Variants in CALD1 observed in about 807,000 individuals in gnomAD.
The protein encoded by CALD1 is caldesmon.
CALD1 carries 33 observed loss-of-function variants against 99.9 expected under a neutral mutation model. The observed-to-expected ratio is 0.33, with a 90% confidence interval of 0.25 to 0.44. The LOEUF is 0.44. CALD1 is among the 20% of genes least tolerant of loss of function. The probability of loss-of-function intolerance (pLI) is 1.00; values close to 1 mark genes in which losing one functional copy is unlikely to be tolerated. For synonymous variants in CALD1, 310 were observed against 325.0 expected (o/e 0.95, Z 0.50); for missense variants, 861 against 962.1 (o/e 0.89, Z 1.39).
chr7:134,938,726 G>A (rs1049642776), intron 6 of CALD1, among the ~76,000 whole-genome samples: 6 of 151,666 alleles, frequency 4.0e-5, no homozygotes, highest in Non-Finnish European at 5.9e-5. Context: ...AACTCAAATC[G>A]TCATTATTAC....
In CALD1 at chr7:134,821,020, A is replaced by G. The variant is rs187727468; in HGVS notation, c.-129-22864A>G. ...AGAGGCTAGAATGCAGTTGTTTTCT[A>G]TTAAACTTAGATTACGTTTATGCGT... On this transcript the variant is annotated intron_variant, in intron 1 of 14. Coordinates refer to ENST00000361675, the MANE Select transcript of CALD1 (RefSeq NM_033138.4). Among the ~76,000 whole-genome samples the G allele has an allele frequency of 1.5e-3, 231 of 152,348 alleles. 1 individual carries two copies. Among genetic ancestry groups the G allele is most frequent in the Admixed American group, 2.7e-3 (42 of 15,300 alleles).
chr7:134,894,681 C>G (rs1037045128), intron 3 of CALD1, among the ~76,000 whole-genome samples: 2 of 152,186 alleles, frequency 1.3e-5, no homozygotes, highest in African/African-American at 4.8e-5. Context: ...CCAAGACCTA[C>G]ACAAGGGCCA....
chr7:134,925,141 T>C (rs896962643), intron 3 of CALD1, among the ~76,000 whole-genome samples: 1 of 152,160 alleles, frequency 6.6e-6, no homozygotes, highest in Non-Finnish European at 1.5e-5. Flanking sequence ...TGGAGAATGA[T>C]TGCCTATAAA....
the CALD1 span, among the ~76,000 whole-genome samples, chr7:134,738,704 T>C: frequency 6.0e-4 from 91 of 152,324 alleles, no homozygotes; most frequent in Middle Eastern, 3.4e-3. Flanking sequence ...GTCAAGATAA[T>C]TTTAATCTTG....
intron 3 of CALD1, among the ~76,000 whole-genome samples, chr7:134,905,098 C>T (rs543749302): frequency 6.6e-6 from 1 of 152,230 alleles, no homozygotes; most frequent in South Asian, 2.1e-4. Flanking sequence ...CTGCGTTTCT[C>T]AGCCTTCTGT....
chr7:134,968,353 C>G lies in CALD1; in HGVS notation c.*8C>G, dbSNP rs750957341. 9 of 1,613,452 alleles carry G rather than the reference C, an allele frequency of 5.6e-6. No homozygotes were observed. The highest frequency in any genetic ancestry group is 7.6e-6 in the Non-Finnish European group (9 of 1,179,470). On this transcript the variant is annotated 3_prime_UTR_variant, in exon 15 of 15. Coordinates refer to ENST00000361675, the MANE Select transcript of CALD1 (RefSeq NM_033138.4). The stretch of plus-strand genomic sequence containing the variant: ...TTCTCTTGGCAGGTTTGAGACAGTT[C>G]CAGAAAGAACCCAAGCTCAAGACGC...
intron 2 of CALD1, among the ~76,000 whole-genome samples, chr7:134,861,084 AG>A (rs1272148764): frequency 6.6e-6 from 1 of 152,222 alleles, no homozygotes; most frequent in Non-Finnish European, 1.5e-5. Flanking sequence ...GGAAGGAGGA[AG>A]AAGCATGGAT....
chr7:134,852,512 C>T (rs926711777), intron 2 of CALD1, among the ~76,000 whole-genome samples: 1 of 152,136 alleles, frequency 6.6e-6, no homozygotes, highest in Non-Finnish European at 1.5e-5. Context: ...AAGGAATTTG[C>T]ACCTCCCAAT....
At chr7:134,739,660 AGAG>A (rs1341305087), upstream of CALD1, among the ~76,000 whole-genome samples, 1 of 152,152 alleles carries the variant, frequency 6.6e-6, no homozygotes, top group Non-Finnish European at 1.5e-5. Flanking sequence ...GCAAAGAACA[AGAG>A]GAGAAGGAAG....
intron 1 of CALD1, among the ~76,000 whole-genome samples, chr7:134,805,593 T>C (rs1684379962): frequency 6.6e-6 from 1 of 152,182 alleles, no homozygotes; most frequent in African/African-American, 2.4e-5. Context: ...TCTTTCATTC[T>C]TCCCTCAGAA....
In CALD1 at chr7:134,933,079, G is replaced by A. The variant is rs1805656417; in HGVS notation, c.310G>A (p.Glu104Lys). 6.2e-7 allele frequency: 1 copy of A among 1,613,900 alleles called. No homozygotes were observed. Among genetic ancestry groups the A allele is most frequent in the African/African-American group, 1.3e-5 (1 of 74,892 alleles). Reference protein sequence around the residue: ...AAFLERLARREERRQKRLQEA... With the variant: ...AAFLERLARRKERRQKRLQEA... Reference sequence around the variant, plus strand: ...ATTCCTGGAGCGCCTGGCTCGGCGTGAGGAAAGACGCCAAAAACGCCTTCA... The same window carrying A: ...ATTCCTGGAGCGCCTGGCTCGGCGTAAGGAAAGACGCCAAAAACGCCTTCA... The change falls in exon 5 of 15, where the codon GAG (glutamate) becomes AAG (lysine). Residue 104 changes from glutamate (E) to lysine (K), a missense_variant. Glu to Lys is a moderately conservative substitution (Grantham distance 56, BLOSUM62 1). Around this residue, in one of 5 missense-constraint regions of CALD1, gnomAD observed 123 missense variants for 169.8 expected, o/e 0.72. Transcript: ENST00000361675.
chr7:134,732,687 C>G, the CALD1 span, among the ~76,000 whole-genome samples: 2 of 152,220 alleles, frequency 1.3e-5, no homozygotes, highest in Non-Finnish European at 2.9e-5. Flanking sequence ...GGTTCTCTAC[C>G]TCTGTCCCCA....
Position 134,798,795 on chromosome 7 carries a change from T to A in CALD1, c.-130+19046T>A, listed in dbSNP as rs562246032. Among the ~76,000 whole-genome samples, 156 of 152,362 alleles carry A rather than the reference T, an allele frequency of 1.0e-3. 1 individual carries two copies. In the South Asian group the frequency reaches 0.012, roughly 12 times the overall value. ...ACACTAGTGGAAAGAATCTTTTTAA[T>A]TCAATCTCTGCCTTTGAGCAACTTG... is the stretch of plus-strand genomic sequence containing the variant. On this transcript the variant is annotated intron_variant, in intron 1 of 14. Transcript: ENST00000361675.
intron 1 of CALD1, among the ~76,000 whole-genome samples, chr7:134,766,636 G>A (rs1189460937): frequency 6.6e-6 from 1 of 152,176 alleles, no homozygotes; most frequent in Non-Finnish European, 1.5e-5. Context: ...TCTTACTTCT[G>A]TCCTGTGAAG....
chr7:134,739,932 A>G (rs988369613), upstream of CALD1, among the ~76,000 whole-genome samples: 1 of 133,562 alleles, frequency 7.5e-6, no homozygotes, highest in African/African-American at 2.8e-5. Flanking sequence ...GATGTCCACT[A>G]CATTCTTCAC....
intron 1 of CALD1, among the ~76,000 whole-genome samples, chr7:134,749,711 T>A (rs190135854): frequency 4.5e-4 from 69 of 152,330 alleles, no homozygotes; most frequent in African/African-American, 1.6e-3. Context: ...GGGACCCAGG[T>A]GCTCATTCTA....
upstream of CALD1, among the ~76,000 whole-genome samples, chr7:134,778,714 C>T (rs1307038779): frequency 4.6e-5 from 7 of 152,166 alleles, no homozygotes; most frequent in African/African-American, 1.7e-4. Context: ...GTCACCTGAA[C>T]ATTATGTCAC....
At chr7:134,763,931 A>G (rs1333316330) in intron 1 of CALD1, among the ~76,000 whole-genome samples, 1 of 152,038 alleles carries the variant, frequency 6.6e-6, no homozygotes, top group African/African-American at 2.4e-5. Flanking sequence ...AAAAAAAAAA[A>G]AAAAAAGTAT....
intron 14 of CALD1, among the ~76,000 whole-genome samples, chr7:134,966,044 A>G (rs1207782042): frequency 6.6e-6 from 1 of 152,158 alleles, no homozygotes; most frequent in African/African-American, 2.4e-5. Flanking sequence ...TTCAACTCCC[A>G]ACTGTAGCCT....
Sources: gnomAD v4.1 joint callset for allele counts (sites outside exome capture counted in the v4.1 genomes callset) on GRCh38, gnomAD v4.1.1 for gene constraint, gnomAD v4.1.1 regional missense constraint, MANE v1.5 for transcripts, NCBI Gene and HGNC (gene_info 2026-07-23, HGNC 2026-07-21) for gene names.